IGFBP4: variants seen among roughly 807,000 people sequenced by gnomAD.
The protein encoded by IGFBP4 is insulin-like growth factor-binding protein 4.
IGFBP4 carries 9 observed loss-of-function variants against 25.8 expected under a neutral mutation model. The ratio of observed to expected loss-of-function variants is 0.35; its 90% CI spans 0.21 to 0.61. IGFBP4 has a LOEUF of 0.61. Among genes scored for constraint, IGFBP4 ranks in the 20% least tolerant of loss-of-function variants. IGFBP4 has a pLI of 0.77. For synonymous variants in IGFBP4, 153 were observed against 153.9 expected (o/e 0.99, Z 0.05); for missense variants, 315 against 365.3 (o/e 0.86, Z 1.12).
At chr17:40,452,935 G>A (rs1009727) in intron 1 of IGFBP4, 50 bp from the exon 2 acceptor site, 429,521 of 1,396,286 alleles carry the variant, frequency 0.31, 68,925 homozygotes, top group East Asian at 0.52. Context: ...TTGGTGTGAC[G>A]CTCTGACCTC....
rs745602905 is a variant in IGFBP4 at position 40,452,971 on chromosome 17, C to G, written c.350-14C>G. 2.0e-6 allele frequency: 3 copies of G among 1,497,294 alleles called. No individual in the cohort carries two copies. The African/African-American group carries it at 4.3e-5, about 21-fold the overall frequency. 92.8% of individuals were successfully genotyped at this position (1,497,294 alleles called of 1,614,324 possible). On this transcript the variant is annotated splice_polypyrimidine_tract_variant and intron_variant, in intron 1 of 3. Transcript: ENST00000269593. ...TTCCGGTGCTGACCTCTCCTTATCGCTACCTGAATACAGACAAGGACGAGG... is the reference window on the plus strand; with the variant it reads ...TTCCGGTGCTGACCTCTCCTTATCGGTACCTGAATACAGACAAGGACGAGG...
chr17:40,453,238 C>T lies in IGFBP4; in HGVS notation c.507+96C>T, dbSNP rs2035696466. ...TGCACGCACCCACACACACCATCAC[C>T]ACCAGATCTGGGGCGTGTTCATTCA... On this transcript the variant is annotated intron_variant, in intron 2 of 3. Coordinates refer to ENST00000269593, the MANE Select transcript of IGFBP4 (RefSeq NM_001552.3). The surrounding 1 kb of genome is among the most constrained non-coding windows in gnomAD (Gnocchi z 4.0). 2 of 938,024 alleles carry T rather than the reference C, an allele frequency of 2.1e-6. No individual in the cohort carries two copies. Among genetic ancestry groups the T allele is most frequent in the Non-Finnish European group, 3.0e-6 (2 of 675,450 alleles). 58.1% of individuals were successfully genotyped at this position (938,024 alleles called of 1,614,324 possible).
At chr17:40,445,139 C>T (rs969023687) in intron 1 of IGFBP4, among the ~76,000 whole-genome samples, 3 of 152,138 alleles carry the variant, frequency 2.0e-5, no homozygotes, top group Admixed American at 6.5e-5. Context: ...GTCATGCTCT[C>T]GAGTTCTGTT....
Position 40,453,226 on chromosome 17 carries a change from A to T in IGFBP4, c.507+84A>T. 1 of 1,013,458 alleles carries T rather than the reference A, an allele frequency of 9.9e-7. No homozygotes were observed. Among genetic ancestry groups the T allele is most frequent in the Non-Finnish European group, 1.4e-6 (1 of 739,316 alleles). 62.8% of individuals were successfully genotyped at this position (1,013,458 alleles called of 1,614,324 possible). On this transcript the variant is annotated intron_variant, in intron 2 of 3. Coordinates refer to ENST00000269593, the MANE Select transcript of IGFBP4 (RefSeq NM_001552.3). This position sits in a 1 kb window ranked among gnomAD's most constrained non-coding sequence, Gnocchi z 4.0. ...CTGCCCCCCACATGCACGCACCCAC[A>T]CACACCATCACCACCAGATCTGGGG...
intron 1 of IGFBP4, among the ~76,000 whole-genome samples, chr17:40,449,256 C>T (rs756389259): frequency 3.3e-5 from 5 of 152,208 alleles, no homozygotes; most frequent in Non-Finnish European, 7.3e-5. Flanking sequence ...CATACCTAAT[C>T]CTCCTTAATG....
intron 1 of IGFBP4, among the ~76,000 whole-genome samples, chr17:40,445,369 CCTCTGTCTGT>C (rs1394277905): frequency 6.6e-6 from 1 of 152,252 alleles, no homozygotes; most frequent in Non-Finnish European, 1.5e-5. Flanking sequence ...CTCTCCTGTG[CCTCTGTCTGT>C]CTCTGTCTCT....
At chr17:40,447,762 CTG>C (rs2035657401) in intron 1 of IGFBP4, among the ~76,000 whole-genome samples, 1 of 152,138 alleles carries the variant, frequency 6.6e-6, no homozygotes, top group Non-Finnish European at 1.5e-5. Flanking sequence ...GCAACAGGAC[CTG>C]CCTCACAGGG....
At chr17:40,451,447 C>T (rs897633127) in intron 1 of IGFBP4, among the ~76,000 whole-genome samples, 4 of 151,778 alleles carry the variant, frequency 2.6e-5, no homozygotes, top group Non-Finnish European at 5.9e-5. Context: ...CCCCACACCC[C>T]CCAAACCAGG....
Position 40,453,211 on chromosome 17 carries a change from C to A in IGFBP4, c.507+69C>A. 1 of 1,185,756 alleles carries A rather than the reference C, an allele frequency of 8.4e-7. No individual in the cohort carries two copies. Among genetic ancestry groups the A allele is most frequent in the Non-Finnish European group, 1.1e-6 (1 of 882,518 alleles). The allele number at this position is 1,185,756 out of a possible 1,614,324, so 73.5% of individuals were successfully genotyped here. A position where few individuals can be genotyped will look rare whatever the true frequency, so the allele number is the denominator to read the frequency against. ...ACACACACATGCCCCCTGCCCCCCA[C>A]ATGCACGCACCCACACACACCATCA... On this transcript the variant is annotated intron_variant, in intron 2 of 3. Transcript: ENST00000269593. The surrounding 1 kb of genome is among the most constrained non-coding windows in gnomAD (Gnocchi z 4.0).
intron 3 of IGFBP4, among the ~76,000 whole-genome samples, chr17:40,455,604 C>A (rs1453470493): frequency 1.3e-5 from 2 of 152,052 alleles, no homozygotes; most frequent in African/African-American, 4.8e-5. Context: ...TGCCTTAGCT[C>A]CCGAGTAGCT....
intron 1 of IGFBP4, 116 bp downstream of exon 1, chr17:40,444,200 G>A: frequency 2.6e-6 from 2 of 773,330 alleles, no homozygotes; most frequent in Admixed American, 2.5e-5. Flanking sequence ...TTGAAGAGAA[G>A]GCAGGTACGT....
At chr17:40,444,123 G>C in intron 1 of IGFBP4, 39 bp downstream of exon 1, 1 of 1,446,308 alleles carries the variant, frequency 6.9e-7, no homozygotes, top group Middle Eastern at 2.0e-4. Flanking sequence ...TCCTGAGTGC[G>C]CTCCCTTCCC....
chr17:40,456,517 T>G lies in IGFBP4; in HGVS notation c.711T>G (p.Leu237=). The change falls in exon 4 of 4, where the codon CTT becomes CTG. Residue 237 remains leucine (L), a synonymous_variant. Coordinates refer to ENST00000269593, the MANE Select transcript of IGFBP4 (RefSeq NM_001552.3). ...TGGACCGGAAGACGGGGGTGAAGCTTCCGGGGGGCCTGGAGCCAAAGGGGG... is the reference window on the plus strand; with the variant it reads ...TGGACCGGAAGACGGGGGTGAAGCTGCCGGGGGGCCTGGAGCCAAAGGGGG... ...WCVDRKTGVK[L]PGGLEPKGEL... is the part of the protein sequence containing the mutation. 4 of 1,613,640 alleles carry G rather than the reference T, an allele frequency of 2.5e-6. No individual in the cohort carries two copies. Among genetic ancestry groups the G allele is most frequent in the Non-Finnish European group, 3.4e-6 (4 of 1,179,872 alleles).
chr17:40,450,953 T>G (rs10305296), intron 1 of IGFBP4, among the ~76,000 whole-genome samples: 2,060 of 152,224 alleles, frequency 0.014, 18 homozygotes, highest in Non-Finnish European at 0.021. Context: ...AGGGAGGTGA[T>G]CACTGGGGCA....
chr17:40,449,562 C>T (rs915269184), intron 1 of IGFBP4, among the ~76,000 whole-genome samples: 1 of 152,110 alleles, frequency 6.6e-6, no homozygotes, highest in Non-Finnish European at 1.5e-5. Context: ...TCCTGGCTAA[C>T]ACGGTGAAAC....
intron 1 of IGFBP4, among the ~76,000 whole-genome samples, chr17:40,444,934 G>C (rs9899387): frequency 0.14 from 3,347 of 23,852 alleles, 124 homozygotes; most frequent in African/African-American, 0.26. Context: ...CACAGAGACA[G>C]AGAGAGAGAG....
In IGFBP4 at chr17:40,445,051, T is replaced by C. The variant is rs555246465; in HGVS notation, c.349+967T>C. On this transcript the variant is annotated intron_variant, in intron 1 of 3. Coordinates refer to ENST00000269593, the MANE Select transcript of IGFBP4 (RefSeq NM_001552.3). ...CTTTTTTTGTTTCTCAGTTTCTCCT[T>C]AGACTCTCAGTCTCTTTTCCTTCTT... Among the ~76,000 whole-genome samples the C allele has an allele frequency of 9.9e-5, 15 of 152,176 alleles. 1 individual carries two copies. The South Asian group carries it at 1.9e-3, about 19-fold the overall frequency.
intron 1 of IGFBP4, among the ~76,000 whole-genome samples, chr17:40,450,174 A>AT (rs1567800792): frequency 6.6e-6 from 1 of 151,994 alleles, no homozygotes; most frequent in African/African-American, 2.4e-5. Context: ...CACCAGGCTA[A>AT]TTTTTTGTAG....
chr17:40,444,114 C>G, intron 1 of IGFBP4, 30 bp downstream of exon 1: 1 of 1,474,146 alleles, frequency 6.8e-7, no homozygotes, highest in Non-Finnish European at 9.2e-7. Flanking sequence ...CCAATTCCCT[C>G]CTGAGTGCGC....
Sources: gnomAD v4.1 joint callset for allele counts (sites outside exome capture counted in the v4.1 genomes callset) on GRCh38, gnomAD v4.1.1 for gene constraint, Gnocchi (gnomAD v3.1) non-coding constraint, MANE v1.5 for transcripts, NCBI Gene and HGNC (gene_info 2026-07-23, HGNC 2026-07-21) for gene names.